Variants in TSACC observed in about 807,000 individuals in gnomAD.
TSACC encodes the protein TSSK6 activating cochaperone.
Under a neutral mutation model 6.9 loss-of-function variants are expected in TSACC, and 3 were observed. That is an observed-to-expected ratio of 0.43 (90% CI 0.20 to 1.12). TSACC has a LOEUF of 1.12. TSACC is among the 50% of genes most tolerant of loss of function. The probability of loss-of-function intolerance (pLI) is 0.28; values close to 1 mark genes in which losing one functional copy is unlikely to be tolerated. For synonymous variants in TSACC, 54 were observed against 55.1 expected (o/e 0.98, Z 0.09); for missense variants, 137 against 143.9 (o/e 0.95, Z 0.24).
At chr1:156,340,674 T>A (rs969247197) in intron 2 of TSACC, among the ~76,000 whole-genome samples, 4 of 150,066 alleles carry the variant, frequency 2.7e-5, no homozygotes, top group African/African-American at 9.8e-5. Context: ...TTGGTCAGGC[T>A]GGTTTCGAAC....
At chr1:156,344,810 G>A in intron 3 of TSACC, 102 bp downstream of exon 3, 4 of 1,395,284 alleles carry the variant, frequency 2.9e-6, no homozygotes, top group Non-Finnish European at 3.9e-6. Context: ...CCAAATCTAT[G>A]TTAGGCATCT....
upstream of TSACC, chr1:156,338,167 T>C: frequency 6.3e-7 from 1 of 1,589,186 alleles, no homozygotes. Context: ...GCACGAGCAC[T>C]GGACGATGGC....
intron 1 of TSACC, chr1:156,338,907 CT>C (rs1665629871): frequency 6.5e-6 from 1 of 152,774 alleles, no homozygotes; most frequent in Non-Finnish European, 1.5e-5. Context: ...TTCAGTGAGG[CT>C]GTGAGCAGTA....
chr1:156,338,600 C>A lies in TSACC; in HGVS notation c.-130C>A, dbSNP rs898453719. On this transcript the variant is annotated 5_prime_UTR_variant, in exon 1 of 4. Coordinates refer to ENST00000368254, the MANE Select transcript of TSACC (RefSeq NM_001304817.2). ...CTGGGGTTGCGGCTTTCGGTTAACA[C>A]CGCAGGTGAGGTCGTTAAACTGTGT... 1 of 254,196 alleles carries A rather than the reference C, an allele frequency of 3.9e-6. No homozygotes were observed. The highest frequency in any genetic ancestry group is 2.2e-5 in the African/African-American group (1 of 45,288). The allele number at this position is 254,196 out of a possible 1,614,324, so 15.7% of individuals were successfully genotyped here.
upstream of TSACC, chr1:156,338,263 C>A: frequency 6.8e-7 from 1 of 1,464,236 alleles, no homozygotes; most frequent in Non-Finnish European, 9.4e-7. Context: ...CAGACAGAAG[C>A]CCAGAAAACG....
At position 156,344,666 on chromosome 1, in the gene TSACC, C is replaced by G; in HGVS notation, c.121C>G (p.Pro41Ala). The G allele has an allele frequency of 6.2e-7, 1 of 1,614,128 alleles. No homozygotes were observed. The highest frequency in any genetic ancestry group is 2.2e-5 in the East Asian group (1 of 44,882). ...SYINLQASSP[P>A]ATFLNIQTTK... is the part of the protein sequence containing the mutation. ...TATTAATCTTCAAGCAAGTTCCCCA[C>G]CAGCCACTTTTCTGAACATCCAGAC... Residue 41 changes from proline to alanine, a missense_variant, in exon 3 of 4, where the codon CCA becomes GCA. Pro to Ala is a conservative substitution (Grantham distance 27, BLOSUM62 -1). Coordinates refer to ENST00000368254, the MANE Select transcript of TSACC (RefSeq NM_001304817.2).
At chr1:156,340,244 CG>C (rs1057372107) in intron 2 of TSACC, among the ~76,000 whole-genome samples, 7 of 152,194 alleles carry the variant, frequency 4.6e-5, no homozygotes, top group Non-Finnish European at 1.5e-5. Context: ...CTGCAAGCTC[CG>C]TCTCCTGGGT....
chr1:156,339,373 T>C (rs902235529), intron 1 of TSACC, among the ~76,000 whole-genome samples: 1 of 152,156 alleles, frequency 6.6e-6, no homozygotes, highest in African/African-American at 2.4e-5. Flanking sequence ...AGCCAGAGTT[T>C]TAAAATTACC....
rs1666134272 is a variant in TSACC at position 156,345,728 on chromosome 1, C to T, written c.163+1020C>T. 1.3e-5 allele frequency among the ~76,000 whole-genome samples: 2 copies of T among 151,610 alleles called. 1 individual carries two copies. The highest frequency in any genetic ancestry group is 1.3e-4 in the Admixed American group (2 of 15,232). On this transcript the variant is annotated intron_variant, in intron 3 of 3. Transcript: ENST00000368254. Reference sequence around the variant, plus strand: ...ACTAAAAATACAAAAATTAGCTGGGCATGGTGGCACCTGCCTGTAATCCCA... The same window carrying T: ...ACTAAAAATACAAAAATTAGCTGGGTATGGTGGCACCTGCCTGTAATCCCA...
chr1:156,343,649 C>T (rs1285195376), intron 2 of TSACC, among the ~76,000 whole-genome samples: 1 of 152,178 alleles, frequency 6.6e-6, no homozygotes. Context: ...CCATGATTGG[C>T]CTGTATTGGG....
At chr1:156,345,638 C>T (rs1368684429) in intron 3 of TSACC, among the ~76,000 whole-genome samples, 12 of 152,022 alleles carry the variant, frequency 7.9e-5, no homozygotes, top group African/African-American at 2.2e-4. Context: ...GAGGCCAAAG[C>T]GGGCGGATTA....
At chr1:156,341,793 G>C (rs1665900057) in intron 2 of TSACC, among the ~76,000 whole-genome samples, 1 of 152,190 alleles carries the variant, frequency 6.6e-6, no homozygotes, top group South Asian at 2.1e-4. Context: ...GCCGGGCGCA[G>C]TGGCTCACGC....
chr1:156,346,701 A>G, intron 3 of TSACC, 67 bp from the exon 4 acceptor site: 3 of 1,501,972 alleles, frequency 2.0e-6, no homozygotes, highest in Non-Finnish European at 2.8e-6. Context: ...GGTCCTTCCA[A>G]CCTCAGTACA....
chr1:156,346,466 C>T (rs576269428), intron 3 of TSACC, among the ~76,000 whole-genome samples: 37 of 152,184 alleles, frequency 2.4e-4, no homozygotes, highest in African/African-American at 8.7e-4. Context: ...CTGGAGCTTA[C>T]GTTCTAGAAG....
chr1:156,346,820 C>T lies in TSACC; in HGVS notation c.216C>T (p.Asn72=). ...CLGLLECMYA[N]LQLQTQLAQQ... ...GACTCCTGGAATGTATGTATGCAAACCTCCAGCTTCAGACCCAGCTCGCCC... is the reference window on the plus strand; with the variant it reads ...GACTCCTGGAATGTATGTATGCAAATCTCCAGCTTCAGACCCAGCTCGCCC... Residue 72 remains asparagine (N), a synonymous_variant, in exon 4 of 4, where the codon AAC becomes AAT. Transcript: ENST00000368254. The T allele has an allele frequency of 6.2e-7, 1 of 1,614,170 alleles. No homozygotes were observed. Among genetic ancestry groups the T allele is most frequent in the Non-Finnish European group, 8.5e-7 (1 of 1,180,036 alleles).
Position 156,346,821 on chromosome 1 carries a change from C to T in TSACC, c.217C>T (p.Leu73Phe), listed in dbSNP as rs1185659627. 5 of 1,614,188 alleles carry T rather than the reference C, an allele frequency of 3.1e-6. No individual in the cohort carries two copies. Among genetic ancestry groups the T allele is most frequent in the Non-Finnish European group, 4.2e-6 (5 of 1,180,038 alleles). Residue 73 changes from leucine (L) to phenylalanine (F), a missense_variant, in exon 4 of 4, where the codon CTC (leucine) becomes TTC (phenylalanine). Leu to Phe is a conservative substitution (Grantham distance 22, BLOSUM62 0). Coordinates refer to ENST00000368254, the MANE Select transcript of TSACC (RefSeq NM_001304817.2). Reference sequence around the variant, plus strand: ...ACTCCTGGAATGTATGTATGCAAACCTCCAGCTTCAGACCCAGCTCGCCCA... The same window carrying T: ...ACTCCTGGAATGTATGTATGCAAACTTCCAGCTTCAGACCCAGCTCGCCCA... Reference protein sequence around the residue: ...LGLLECMYANLQLQTQLAQQQ... With the variant: ...LGLLECMYANFQLQTQLAQQQ...
chr1:156,338,070 G>C, upstream of TSACC: 3 of 1,457,614 alleles, frequency 2.1e-6, no homozygotes, highest in Non-Finnish European at 1.9e-6. Flanking sequence ...CCGGTCAGTG[G>C]GGGACGGAGC....
intron 1 of TSACC, 34 bp downstream of exon 1, chr1:156,338,639 T>C (rs547738732): frequency 2.9e-3 from 539 of 183,446 alleles, no homozygotes; most frequent in Non-Finnish European, 4.9e-3. Context: ...GCGACTCGGC[T>C]CCTATCGGAC....
Position 156,339,716 on chromosome 1 carries a change from T to C in TSACC, c.-42T>C, listed in dbSNP as rs1234624279. Reference sequence around the variant, plus strand: ...CTAACATGGATTGTTGATCATCTGATGCTATGATTCTTTCCCAGGCACCAC... The same window carrying C: ...CTAACATGGATTGTTGATCATCTGACGCTATGATTCTTTCCCAGGCACCAC... On this transcript the variant is annotated 5_prime_UTR_variant, in exon 2 of 4. It removes an upstream start codon present in the reference 5' UTR. Coordinates refer to ENST00000368254, the MANE Select transcript of TSACC (RefSeq NM_001304817.2). The C allele has an allele frequency of 1.2e-6, 2 of 1,612,816 alleles. No individual in the cohort carries two copies. The highest frequency in any genetic ancestry group is 1.7e-6 in the Non-Finnish European group (2 of 1,179,118).
Sources: allele counts gnomAD v4.1 joint callset (sites outside exome capture counted in the v4.1 genomes callset), GRCh38; gene constraint gnomAD v4.1.1; transcripts MANE v1.5; gene names NCBI Gene and HGNC (gene_info 2026-07-23, HGNC 2026-07-21).